The following PKM variants were observed in gnomAD, a reference collection of about 807,000 sequenced individuals.
The protein encoded by PKM is pyruvate kinase PKM.
Under a neutral mutation model 49.8 loss-of-function variants are expected in PKM, and 18 were observed. The observed-to-expected ratio is 0.36, with a 90% CI of 0.25 to 0.54. The LOEUF (loss-of-function observed/expected upper bound fraction) is 0.54, where lower values mean the gene tolerates loss of function less well. Among genes scored for constraint, PKM ranks in the 20% least tolerant of loss-of-function variants. PKM has a pLI of 0.89. For synonymous variants in PKM, 239 were observed against 261.8 expected (o/e 0.91, Z 0.84); for missense variants, 508 against 713.8 (o/e 0.71, Z 3.28).
chr15:72,208,320 C>A (rs2082137667), intron 6 of PKM, among the ~76,000 whole-genome samples: 1 of 152,108 alleles, frequency 6.6e-6, no homozygotes, highest in Non-Finnish European at 1.5e-5. Context: ...AACATCATGG[C>A]CCCTGGTCCT....
Position 72,208,879 on chromosome 15 carries a change from AG to A in PKM, c.577del (p.Leu193TrpfsTer2). ...LQVKQKGADF[L>X]VTEVENGGSL... is the part of the protein sequence containing the mutation. Reference sequence around the variant, plus strand: ...GCCACCATTTTCCACCTCCGTCACCAGGAAGTCGGCACCTGTATGAAAAAGG... The same window carrying A: ...GCCACCATTTTCCACCTCCGTCACCAGAAGTCGGCACCTGTATGAAAAAGG... On this transcript the variant is annotated frameshift_variant, in exon 6 of 11. Coordinates refer to ENST00000335181, the MANE Select transcript of PKM (RefSeq NM_002654.6). LOFTEE classifies it high-confidence loss of function. 6.2e-7 allele frequency: 1 copy of A among 1,613,938 alleles called. No homozygotes were observed. Among genetic ancestry groups the A allele is most frequent in the Non-Finnish European group, 8.5e-7 (1 of 1,179,912 alleles).
At position 72,206,758 on chromosome 15, in the gene PKM, A is replaced by G. The variant is rs1596735291; in HGVS notation, c.1110T>C (p.Tyr370=). Residue 370 remains tyrosine (Y), a synonymous_variant, in exon 8 of 11, where the codon TAT becomes TAC. Coordinates refer to ENST00000335181, the MANE Select transcript of PKM (RefSeq NM_002654.6). ...MLSGETAKGD[Y]PLEAVRMQHL... is the part of the protein sequence containing the mutation. ...GCTGCATGCGCACAGCCTCCAGAGGATAGTCCCCTTTGGCTGTTTCTCCAG... is the reference window on the plus strand; with the variant it reads ...GCTGCATGCGCACAGCCTCCAGAGGGTAGTCCCCTTTGGCTGTTTCTCCAG... 1.2e-6 allele frequency: 2 copies of G among 1,613,702 alleles called. No individual in the cohort carries two copies. Among genetic ancestry groups the G allele is most frequent in the South Asian group, 2.2e-5 (2 of 91,060 alleles).
intron 1 of PKM, among the ~76,000 whole-genome samples, chr15:72,225,782 T>G (rs1264597714): frequency 6.6e-6 from 1 of 152,212 alleles, no homozygotes; most frequent in East Asian, 1.9e-4. Context: ...TCCCTCCCCG[T>G]TAAACTAAGT....
chr15:72,226,385 C>G (rs2082669499), intron 1 of PKM, among the ~76,000 whole-genome samples: 1 of 152,052 alleles, frequency 6.6e-6, no homozygotes, highest in South Asian at 2.1e-4. Flanking sequence ...AAAAAATCAG[C>G]CAGGCGTGGT....
intron 1 of PKM, among the ~76,000 whole-genome samples, chr15:72,219,915 C>G (rs1216050610): frequency 6.6e-6 from 1 of 152,214 alleles, no homozygotes; most frequent in African/African-American, 2.4e-5. Context: ...AAGTATACCA[C>G]CACTCTGTAA....
At chr15:72,228,220 C>T (rs2082737395) in intron 1 of PKM, among the ~76,000 whole-genome samples, 1 of 152,088 alleles carries the variant, frequency 6.6e-6, no homozygotes, top group African/African-American at 2.4e-5. Flanking sequence ...TAATCAAGTC[C>T]CAGGAGAGGC....
chr15:72,206,555 A>T, intron 8 of PKM, 173 bp downstream of exon 8: 1 of 630,572 alleles, frequency 1.6e-6, no homozygotes. Flanking sequence ...GAACAGGAGA[A>T]AAAAAAAAGC....
At chr15:72,218,581 A>G (rs925264359) in intron 2 of PKM, among the ~76,000 whole-genome samples, 4 of 146,128 alleles carry the variant, frequency 2.7e-5, no homozygotes, top group African/African-American at 1.0e-4. Context: ...CACCATGCCC[A>G]GCTAATTTTT....
chr15:72,213,116 C>A (rs2082296557), intron 3 of PKM, among the ~76,000 whole-genome samples: 2 of 152,122 alleles, frequency 1.3e-5, no homozygotes, highest in South Asian at 4.1e-4. Context: ...TCTACTTAAT[C>A]CCGATGTAGA....
chr15:72,202,946 C>G lies in PKM; in HGVS notation c.1141-326G>C. The G allele has an allele frequency of 6.8e-7, 1 of 1,467,434 alleles. No individual in the cohort carries two copies. Among genetic ancestry groups the G allele is most frequent in the South Asian group, 1.1e-5 (1 of 87,966 alleles). The allele number at this position is 1,467,434 out of a possible 1,614,324, so 90.9% of individuals were successfully genotyped here. On this transcript the variant is annotated intron_variant, in intron 8 of 10. Transcript: ENST00000335181. This position sits in a 1 kb window ranked among gnomAD's most constrained non-coding sequence, Gnocchi z 4.5. ...TCTGTGCCCAGATGCCAGGTTGGGC[C>G]TGGCTGTCTTCTCCTAGAGCAGGTG... is the stretch of plus-strand genomic sequence containing the variant.
chr15:72,219,272 A>G, intron 1 of PKM, 162 bp from the exon 2 acceptor site: 1 of 633,906 alleles, frequency 1.6e-6, no homozygotes, highest in East Asian at 2.7e-5. Flanking sequence ...GGTGCTCCTC[A>G]TGTTAGAAAA....
chr15:72,230,662 AG>A (rs2082835929), intron 1 of PKM, among the ~76,000 whole-genome samples: 1 of 152,166 alleles, frequency 6.6e-6, no homozygotes, highest in South Asian at 2.1e-4. Context: ...CATTAGAATC[AG>A]GGGACACGCA....
At chr15:72,220,258 A>G (rs554337988) in intron 1 of PKM, among the ~76,000 whole-genome samples, 105 of 152,356 alleles carry the variant, frequency 6.9e-4, no homozygotes, top group African/African-American at 2.5e-3. Context: ...TCGGCCAAGC[A>G]AGGCTCAGGA....
At chr15:72,217,129 T>C (rs2082395600) in intron 3 of PKM, among the ~76,000 whole-genome samples, 1 of 152,212 alleles carries the variant, frequency 6.6e-6, no homozygotes, top group Non-Finnish European at 1.5e-5. Flanking sequence ...CAGTAGAACC[T>C]TTCCATATCT....
At chr15:72,207,784 AG>A (rs2082124538) in intron 6 of PKM, among the ~76,000 whole-genome samples, 1 of 152,270 alleles carries the variant, frequency 6.6e-6, no homozygotes. Flanking sequence ...AAGTTCAGCT[AG>A]CCTATGGCTT....
intron 10 of PKM, 40 bp from the exon 11 acceptor site, chr15:72,199,796 C>A: frequency 6.9e-7 from 1 of 1,459,634 alleles, no homozygotes; most frequent in Non-Finnish European, 9.6e-7. Context: ...AAAAGCCAAG[C>A]CAGGCAGGTT....
chr15:72,212,907 TA>T (rs1390347280), intron 3 of PKM, among the ~76,000 whole-genome samples: 2 of 152,002 alleles, frequency 1.3e-5, no homozygotes, highest in African/African-American at 4.8e-5. Context: ...CCGTCTCTAC[TA>T]AAAGTACAAA....
At chr15:72,215,241 ATGTCCCTC>A (rs1207305268) in intron 3 of PKM, among the ~76,000 whole-genome samples, 3 of 152,130 alleles carry the variant, frequency 2.0e-5, no homozygotes, top group Non-Finnish European at 4.4e-5. Context: ...CAGACATTTG[ATGTCCCTC>A]TGTCAGAGTG....
rs755545324 is a variant in PKM at position 72,203,184 on chromosome 15, G to GCTAT, written c.1141-568_1141-565dup. On this transcript the variant is annotated intron_variant, in intron 8 of 10. Transcript: ENST00000335181. ...GAACATGGCTGCCTCAGCCTCACGA[G>GCTAT]CTATCTGTAAGGTTTAGGGGAAGAG... 4.3e-6 allele frequency: 7 copies of GCTAT among 1,613,594 alleles called. No individual in the cohort carries two copies. In the East Asian group the frequency reaches 1.6e-4, roughly 36 times the overall value.
Sources: allele counts gnomAD v4.1 joint callset (sites outside exome capture counted in the v4.1 genomes callset), GRCh38; gene constraint gnomAD v4.1.1; non-coding constraint Gnocchi (gnomAD v3.1); transcripts MANE v1.5; gene names NCBI Gene and HGNC (gene_info 2026-07-23, HGNC 2026-07-21).